The following RRBP1 variants were observed in gnomAD, a reference collection of about 807,000 sequenced individuals.
RRBP1 encodes the protein ribosome-binding protein 1.
In RRBP1, 94 loss-of-function variants were observed where a neutral mutation model predicts 165.2. The observed-to-expected ratio is 0.57, with a 90% CI of 0.48 to 0.68. The LOEUF (loss-of-function observed/expected upper bound fraction) is 0.68. Among genes scored for constraint, RRBP1 ranks in the 30% least tolerant of loss-of-function variants. The pLI, the probability that RRBP1 is intolerant of heterozygous loss-of-function variation, is 0.00. For missense variants in RRBP1, 1,676 were observed against 1,763.0 expected, an observed-to-expected ratio of 0.95 and a Z score of 0.88; for synonymous variants, 680 against 714.5, an observed-to-expected ratio of 0.95 and a Z score of 0.77.
At chr20:17,628,799 C>G (rs769170203) in intron 9 of RRBP1, among the ~76,000 whole-genome samples, 3 of 152,246 alleles carry the variant, frequency 2.0e-5, no homozygotes, top group Admixed American at 6.5e-5. Flanking sequence ...CCCTCTGGAG[C>G]AGGGGCCGGG....
At chr20:17,622,618 G>A (rs931896910) in intron 13 of RRBP1, among the ~76,000 whole-genome samples, 10 of 152,052 alleles carry the variant, frequency 6.6e-5, no homozygotes, top group African/African-American at 2.2e-4. Flanking sequence ...AGTCCTCAAC[G>A]AAGAGCCAGC....
chr20:17,644,264 T>G (rs1434938302), intron 3 of RRBP1, among the ~76,000 whole-genome samples: 1 of 152,168 alleles, frequency 6.6e-6, no homozygotes, highest in African/African-American at 2.4e-5. Context: ...AGTTTAAAAA[T>G]AACCATGTTG....
In RRBP1 at chr20:17,613,933, C is replaced by T. The variant is rs1403797169; in HGVS notation, c.*249G>A. The T allele has an allele frequency of 8.3e-6, 4 of 481,094 alleles. No individual in the cohort carries two copies. Among genetic ancestry groups the T allele is most frequent in the East Asian group, 3.4e-5 (1 of 29,038 alleles). The allele number at this position is 481,094 out of a possible 1,614,324, so 29.8% of individuals were successfully genotyped here. A position where few individuals can be genotyped will look rare whatever the true frequency, so the allele number is the denominator to read the frequency against. On this transcript the variant is annotated 3_prime_UTR_variant, in exon 25 of 25. Transcript: ENST00000377813. ...CTGTCAGAGTCAACCAGGGCTTTGG[C>T]GTCACTCGGCGGTGGCCCGGGGCTG...
intron 23 of RRBP1, 110 bp downstream of exon 23, chr20:17,615,321 G>C (rs1417726621): frequency 7.2e-6 from 6 of 828,782 alleles, no homozygotes; most frequent in Non-Finnish European, 1.1e-5. Flanking sequence ...GCCAAGGGCA[G>C]GTCCCGGTGG....
At chr20:17,617,092 C>G (rs1286712433) in intron 20 of RRBP1, among the ~76,000 whole-genome samples, 2 of 152,212 alleles carry the variant, frequency 1.3e-5, no homozygotes, top group African/African-American at 4.8e-5. Flanking sequence ...GGGAGCCCTC[C>G]CTGGGAGTGA....
At chr20:17,637,056 T>C (rs2036261761) in intron 5 of RRBP1, among the ~76,000 whole-genome samples, 1 of 151,886 alleles carries the variant, frequency 6.6e-6, no homozygotes, top group Admixed American at 6.6e-5. Context: ...CCTGCTGTGA[T>C]GACAACACCC....
intron 8 of RRBP1, among the ~76,000 whole-genome samples, chr20:17,632,137 C>T (rs1375919463): frequency 6.6e-6 from 1 of 152,186 alleles, no homozygotes; most frequent in African/African-American, 2.4e-5. Flanking sequence ...GGACCTGAAC[C>T]CGACAGCTGG....
In RRBP1 at chr20:17,614,196, C is replaced by T. The variant is rs750382018; in HGVS notation, c.4219G>A (p.Gly1407Ser). ...AAAGAGGAAACTCAGACAGAGGTGC[C>T]CTCCTTTGAGCTGCTGCCGTCCTCC... ...KAEDGSSSKEGTSV is the reference protein window; with the variant it reads ...KAEDGSSSKESTSV Residue 1407 changes from glycine (G) to serine (S), a missense_variant, in exon 25 of 25, where the codon GGC becomes AGC. Gly to Ser is a moderately conservative substitution (Grantham distance 56). This residue lies in a region of RRBP1 where 1,184 missense variants were observed against 1,167.1 expected (regional missense o/e 1.01). Coordinates refer to ENST00000377813, the MANE Select transcript of RRBP1 (RefSeq NM_001365613.2). 3.1e-6 allele frequency: 5 copies of T among 1,613,884 alleles called. No individual in the cohort carries two copies. The highest frequency in any genetic ancestry group is 4.2e-6 in the Non-Finnish European group (5 of 1,179,976).
intron 3 of RRBP1, among the ~76,000 whole-genome samples, chr20:17,650,841 G>A (rs538879331): frequency 6.6e-6 from 1 of 152,164 alleles, no homozygotes; most frequent in Non-Finnish European, 1.5e-5. Flanking sequence ...CCAGGTGGGA[G>A]GCAAACCAGC....
chr20:17,663,682 G>C (rs1408951973), intron 2 of RRBP1, among the ~76,000 whole-genome samples: 1 of 152,208 alleles, frequency 6.6e-6, no homozygotes, highest in African/African-American at 2.4e-5. Flanking sequence ...ATCATGCTGG[G>C]AGATCCCTGA....
intron 2 of RRBP1, among the ~76,000 whole-genome samples, chr20:17,672,457 CTGAG>C: frequency 6.6e-6 from 1 of 152,328 alleles, no homozygotes; most frequent in East Asian, 1.9e-4. Flanking sequence ...GAACTTCAGC[CTGAG>C]TGAGTCATTT....
chr20:17,616,610 G>A, intron 21 of RRBP1, 122 bp downstream of exon 21: 2 of 657,752 alleles, frequency 3.0e-6, no homozygotes, highest in South Asian at 1.9e-5. Flanking sequence ...GCAAAGCAGG[G>A]TGGGGTGGGG....
intron 9 of RRBP1, among the ~76,000 whole-genome samples, 163 bp from the exon 10 acceptor site, chr20:17,627,845 G>A (rs994037582): frequency 6.6e-6 from 1 of 152,202 alleles, no homozygotes; most frequent in Non-Finnish European, 1.5e-5. Flanking sequence ...GACCACTGGG[G>A]CCTCTTGTTA....
intron 2 of RRBP1, among the ~76,000 whole-genome samples, chr20:17,662,568 G>C (rs1052596976): frequency 6.6e-6 from 1 of 152,154 alleles, no homozygotes; most frequent in Non-Finnish European, 1.5e-5. Context: ...TTTCCAAATG[G>C]GTTCTGACCT....
chr20:17,652,928 C>A (rs1429106816), intron 3 of RRBP1, among the ~76,000 whole-genome samples: 3 of 152,262 alleles, frequency 2.0e-5, no homozygotes, highest in African/African-American at 7.2e-5. Context: ...CCACAAGCCA[C>A]TGGTGAAAAC....
chr20:17,632,535 G>C (rs1222152021), intron 8 of RRBP1, among the ~76,000 whole-genome samples: 1 of 152,152 alleles, frequency 6.6e-6, no homozygotes, highest in Non-Finnish European at 1.5e-5. Flanking sequence ...TTCTCTTTTA[G>C]TCCTTGCACA....
At chr20:17,653,175 C>A in intron 3 of RRBP1, among the ~76,000 whole-genome samples, 1 of 152,134 alleles carries the variant, frequency 6.6e-6, no homozygotes, top group South Asian at 2.1e-4. Flanking sequence ...GCTACATGCC[C>A]ACCGTGCCCA....
rs1397889066 is a variant in RRBP1, at chr20:17,636,843, C to T, written c.2185-114G>A. On this transcript the variant is annotated intron_variant, in intron 5 of 24. Transcript: ENST00000377813. ...AGGCTGGAGAGCAGAGCACAGACCC[C>T]TCCTGCTGGCCGGGTTCTCAGCTAG... 3.8e-6 allele frequency: 5 copies of T among 1,307,352 alleles called. No homozygotes were observed. The East Asian group carries it at 1.2e-4, about 31-fold the overall frequency. The allele number at this position is 1,307,352 out of a possible 1,614,324, so 81.0% of individuals were successfully genotyped here.
chr20:17,640,125 G>A (rs2122352525), intron 5 of RRBP1, among the ~76,000 whole-genome samples: 1 of 152,342 alleles, frequency 6.6e-6, no homozygotes, highest in Middle Eastern at 3.4e-3. Flanking sequence ...CTGCTAGGCT[G>A]AGCCTGGTGA....
Sources: allele counts gnomAD v4.1 joint callset (sites outside exome capture counted in the v4.1 genomes callset), GRCh38; gene constraint gnomAD v4.1.1; regional missense constraint gnomAD v4.1.1; transcripts MANE v1.5; gene names NCBI Gene and HGNC (gene_info 2026-07-23, HGNC 2026-07-21).